NTRK1: variants seen among roughly 807,000 people sequenced by gnomAD.
The protein encoded by NTRK1 is neurotrophic receptor tyrosine kinase 1, also known as high affinity nerve growth factor receptor.
A neutral mutation model predicts 86.8 loss-of-function variants in NTRK1; 62 were observed. The observed-to-expected ratio is 0.71, with a 90% CI of 0.58 to 0.88. The LOEUF is 0.88. Among genes scored for constraint, NTRK1 ranks in the 40% least tolerant of loss-of-function variants. The pLI is 0.00. For missense variants in NTRK1, 967 were observed against 1,078.4 expected (o/e 0.90, Z 1.45); for synonymous variants, 469 against 456.6 (o/e 1.03, Z -0.35).
chr1:156,853,798 G>C (rs141915005), intron 2 of NTRK1: 1 of 1,611,106 alleles, frequency 6.2e-7, no homozygotes, highest in African/African-American at 1.3e-5. Context: ...CAGTGTGCCC[G>C]CTGAAGGTGG....
At chr1:156,878,796 G>A (rs772774014) in intron 14 of NTRK1, among the ~76,000 whole-genome samples, 2 of 152,210 alleles carry the variant, frequency 1.3e-5, no homozygotes, top group Non-Finnish European at 2.9e-5. Flanking sequence ...AAGACACCGA[G>A]CTCCAATTGG....
chr1:156,872,031 G>A (rs1229691750), intron 7 of NTRK1, among the ~76,000 whole-genome samples: 1 of 152,124 alleles, frequency 6.6e-6, no homozygotes, highest in African/African-American at 2.4e-5. Context: ...TGTTCCCACT[G>A]CTCCGAAGTA....
chr1:156,852,097 A>C (rs759868284), intron 2 of NTRK1: 28 of 1,613,606 alleles, frequency 1.7e-5, no homozygotes, highest in Non-Finnish European at 2.1e-5. Context: ...CTACACAGGC[A>C]CGAGGGTCTT....
intron 2 of NTRK1, chr1:156,842,615 C>T: frequency 1.3e-6 from 1 of 768,380 alleles, no homozygotes; most frequent in Non-Finnish European, 2.3e-6. Context: ...AAACCTGACC[C>T]TAACCCCAAC....
At chr1:156,867,656 C>CTTTTA (rs71722671) in intron 4 of NTRK1, among the ~76,000 whole-genome samples, 1 of 149,882 alleles carries the variant, frequency 6.7e-6, no homozygotes, top group African/African-American at 2.5e-5. Context: ...TTCTTTCTTT[C>CTTTTA]TTTTCTTTTC....
rs960696224 is a variant in NTRK1, at chr1:156,880,408, T to A, written c.2205+251T>A. 7.1e-6 allele frequency: 4 copies of A among 566,686 alleles called. No homozygotes were observed. In the African/African-American group the frequency reaches 7.5e-5, roughly 11 times the overall value. 35.1% of individuals were successfully genotyped at this position (566,686 alleles called of 1,614,324 possible). A position where few individuals can be genotyped will look rare whatever the true frequency, so the allele number is the denominator to read the frequency against. ...CCTGGGGGAACCTCAAAGTGCTTTG[T>A]ACAAGGAGCCCAGACCCCCATCCCT... On this transcript the variant is annotated intron_variant, in intron 16 of 16. Transcript: ENST00000524377.
intron 2 of NTRK1, chr1:156,851,093 T>C: frequency 1.5e-6 from 1 of 678,884 alleles, no homozygotes; most frequent in Non-Finnish European, 2.6e-6. Context: ...TTCAAAACAG[T>C]CCTGAGAAGT....
chr1:156,845,813 G>A (rs1017222961), intron 2 of NTRK1: 10 of 1,612,078 alleles, frequency 6.2e-6, no homozygotes, highest in South Asian at 1.1e-5. Flanking sequence ...GCAGCCGCAA[G>A]CCTGGCGCCG....
At chr1:156,851,129 T>C in intron 2 of NTRK1, 2 of 769,200 alleles carry the variant, frequency 2.6e-6, no homozygotes, top group Non-Finnish European at 4.6e-6. Context: ...AGCCCTATTT[T>C]ACAGATGAGA....
chr1:156,848,781 T>C, intron 2 of NTRK1: 3 of 995,592 alleles, frequency 3.0e-6, no homozygotes, highest in Admixed American at 2.7e-5. Context: ...ACCTGGGCCC[T>C]ACCACGGAGT....
intron 9 of NTRK1, 66 bp from the exon 10 acceptor site, chr1:156,874,505 G>A (rs2102909565): frequency 1.2e-6 from 2 of 1,612,656 alleles, no homozygotes; most frequent in Admixed American, 1.7e-5. Context: ...TGGGGCCAGG[G>A]TTGGGGGGTT....
chr1:156,848,116 C>A (rs868695067), intron 2 of NTRK1, among the ~76,000 whole-genome samples: 1 of 152,136 alleles, frequency 6.6e-6, no homozygotes, highest in East Asian at 1.9e-4. Context: ...CAGCTGCCCA[C>A]GCTGGAGACC....
chr1:156,818,313 G>GT (rs1249420418), intron 1 of NTRK1, among the ~76,000 whole-genome samples: 2 of 152,082 alleles, frequency 1.3e-5, no homozygotes, highest in African/African-American at 2.4e-5. Context: ...ATTGTGTACT[G>GT]TTTTTTTGCT....
chr1:156,856,473 A>G (rs1380578675), upstream of NTRK1, among the ~76,000 whole-genome samples: 1 of 152,206 alleles, frequency 6.6e-6, no homozygotes. Context: ...CTGACATTGT[A>G]GGGTGTAGAT....
At chr1:156,818,231 G>GA (rs374718649) in intron 1 of NTRK1, among the ~76,000 whole-genome samples, 16 of 149,310 alleles carry the variant, frequency 1.1e-4, no homozygotes, top group East Asian at 1.9e-4. Flanking sequence ...ACCCAGAGAG[G>GA]AAAAAAAAAA....
chr1:156,868,518 GA>G lies in NTRK1; in HGVS notation c.590del (p.Lys197ArgfsTer42). On this transcript the variant is annotated frameshift_variant, in exon 6 of 17. Coordinates refer to ENST00000524377, the MANE Select transcript of NTRK1 (RefSeq NM_002529.4). LOFTEE classifies it high-confidence loss of function. ...CTGGGTGGCCAGGTGTGCCCACGCT[GA>G]AGGTCCAGGTGCCCAATGCCTCGGT... Reference protein sequence around the residue: ...PNASCGVPTLKVQVPNASVDV... With the variant: ...PNASCGVPTLXVQVPNASVDV... 6.4e-7 allele frequency: 1 copy of G among 1,558,984 alleles called. No individual in the cohort carries two copies. The highest frequency in any genetic ancestry group is 8.7e-7 in the Non-Finnish European group (1 of 1,151,192).
At chr1:156,839,285 A>T (rs1654690753) in intron 1 of NTRK1, among the ~76,000 whole-genome samples, 1 of 152,236 alleles carries the variant, frequency 6.6e-6, no homozygotes. Context: ...GGGTGCACAG[A>T]AAGTCTCATC....
At chr1:156,875,060 T>C (rs2102912761) in intron 11 of NTRK1, 52 bp downstream of exon 11, 1 of 1,321,974 alleles carries the variant, frequency 7.6e-7, no homozygotes, top group South Asian at 1.2e-5. Context: ...CTGGCTTTGT[T>C]TCCTACTGGC....
chr1:156,853,910 G>T (rs1272289441), intron 2 of NTRK1: 1 of 1,614,024 alleles, frequency 6.2e-7, no homozygotes, highest in African/African-American at 1.3e-5. Context: ...GCCAGGTGCT[G>T]GCTGCAGCAG....
Sources: allele counts gnomAD v4.1 joint callset (sites outside exome capture counted in the v4.1 genomes callset), GRCh38; gene constraint gnomAD v4.1.1; transcripts MANE v1.5; gene names NCBI Gene and HGNC (gene_info 2026-07-23, HGNC 2026-07-21).